Variants in ARSG observed in about 807,000 individuals in gnomAD.
ARSG encodes the protein arylsulfatase G, also known as ASG.
ARSG carries 37 observed loss-of-function variants against 50.5 expected under a neutral mutation model. That is an observed-to-expected ratio of 0.73 (90% CI 0.56 to 0.96). The LOEUF (loss-of-function observed/expected upper bound fraction) is 0.96, where lower values mean the gene tolerates loss of function less well. Among genes scored for constraint, ARSG ranks in the 50% least tolerant of loss-of-function variants. ARSG has a pLI of 0.00. For synonymous variants in ARSG, 225 were observed against 254.6 expected, an observed-to-expected ratio of 0.88 and a Z score of 1.11; for missense variants, 629 against 675.3, an observed-to-expected ratio of 0.93 and a Z score of 0.76.
At chr17:68,369,395 CTG>C (rs1256649124) in intron 7 of ARSG, among the ~76,000 whole-genome samples, 1 of 152,178 alleles carries the variant, frequency 6.6e-6, no homozygotes, top group East Asian at 1.9e-4. Flanking sequence ...CAAAAATTAT[CTG>C]GGCATATTGG....
intron 8 of ARSG, among the ~76,000 whole-genome samples, chr17:68,383,568 G>C (rs753688553): frequency 6.6e-6 from 1 of 152,218 alleles, no homozygotes; most frequent in Non-Finnish European, 1.5e-5. Flanking sequence ...TGCCCCCACG[G>C]GGGTGGAAGT....
intron 11 of ARSG, among the ~76,000 whole-genome samples, chr17:68,417,733 A>ATTTTTTTTTTTTTTTTTTTT (rs770292731): frequency 4.9e-5 from 3 of 60,788 alleles, no homozygotes; most frequent in African/African-American, 6.2e-5. Context: ...GAGTTGCTGA[A>ATTTTTTTTTTTTTTTTTTTT]TTTTTTTTTT....
At chr17:68,348,842 G>A (rs138324126) in intron 4 of ARSG, among the ~76,000 whole-genome samples, 43 of 152,220 alleles carry the variant, frequency 2.8e-4, no homozygotes, top group Middle Eastern at 6.8e-3. Flanking sequence ...AAGCACCCAC[G>A]CTCCTCTTGC....
At chr17:68,365,885 G>A (rs1463381146) in intron 6 of ARSG, among the ~76,000 whole-genome samples, 1 of 152,066 alleles carries the variant, frequency 6.6e-6, no homozygotes, top group Non-Finnish European at 1.5e-5. Flanking sequence ...GTAGTAGTTG[G>A]GAAGTGATAA....
chr17:68,420,711 C>T lies in ARSG; in HGVS notation c.*248C>T, dbSNP rs1414704186. ...AGCACACGGGCTTTGGAGTCAGGCA[C>T]AGGTGCCAGCTCCAGCTTTTGAACT... On this transcript the variant is annotated 3_prime_UTR_variant, in exon 12 of 12. Transcript: ENST00000621439. 1.9e-6 allele frequency: 1 copy of T among 513,278 alleles called. No homozygotes were observed. Among genetic ancestry groups the T allele is most frequent in the Non-Finnish European group, 3.4e-6 (1 of 290,994 alleles). The allele number at this position is 513,278 out of a possible 1,614,324, so 31.8% of individuals were successfully genotyped here.
chr17:68,317,838 C>T (rs1008916597), intron 2 of ARSG, among the ~76,000 whole-genome samples: 2 of 152,222 alleles, frequency 1.3e-5, no homozygotes, highest in East Asian at 3.8e-4. Context: ...GCAGCTCATG[C>T]CTGTAATCCC....
intron 6 of ARSG, among the ~76,000 whole-genome samples, chr17:68,357,424 C>G (rs1310504986): frequency 6.6e-6 from 1 of 152,164 alleles, no homozygotes; most frequent in Non-Finnish European, 1.5e-5. Context: ...TGTTCACTTG[C>G]ATCTTCAGTC....
At position 68,365,817 on chromosome 17, in the gene ARSG, T is replaced by A. The variant is rs113058659; in HGVS notation, c.705-2731T>A. Reference sequence around the variant, plus strand: ...CAGTAGCAAGCCATTGTGTGTTATTTCCACCACACAGATACAATAGATGTA... The same window carrying A: ...CAGTAGCAAGCCATTGTGTGTTATTACCACCACACAGATACAATAGATGTA... On this transcript the variant is annotated intron_variant, in intron 6 of 11. Coordinates refer to ENST00000621439, the MANE Select transcript of ARSG (RefSeq NM_001267727.2). Among the ~76,000 whole-genome samples, 747 of 152,310 alleles carry A rather than the reference T, an allele frequency of 4.9e-3. 6 individuals are homozygous for A. Among genetic ancestry groups the A allele is most frequent in the African/African-American group, 0.015 (606 of 41,564 alleles).
intron 11 of ARSG, among the ~76,000 whole-genome samples, chr17:68,412,917 T>C (rs1234974825): frequency 3.3e-5 from 5 of 152,148 alleles, no homozygotes; most frequent in African/African-American, 1.2e-4. Context: ...TCGCACCGGC[T>C]CCTGAGGCTT....
intron 2 of ARSG, among the ~76,000 whole-genome samples, chr17:68,310,907 A>G (rs146103475): frequency 1.1e-3 from 161 of 152,310 alleles, no homozygotes; most frequent in Non-Finnish European, 1.6e-3. Context: ...CACAGCTAAC[A>G]AACTGGAGTT....
rs2145585006 is a variant in ARSG, at chr17:68,307,236, A to T, written c.-258A>T. 1 of 500,488 alleles carries T rather than the reference A, an allele frequency of 2.0e-6. No homozygotes were observed. The highest frequency in any genetic ancestry group is 3.4e-5 in the East Asian group (1 of 29,836). The allele number at this position is 500,488 out of a possible 1,614,324, so 31.0% of individuals were successfully genotyped here. A position where few individuals can be genotyped will look rare whatever the true frequency, so the allele number is the denominator to read the frequency against. ...GGTGAGGAAACACTGACCATAGAAG[A>T]TCAAGCCAAATGAGGGATTGCAAAT... is the stretch of plus-strand genomic sequence containing the variant. On this transcript the variant is annotated 5_prime_UTR_variant, in exon 2 of 12. Coordinates refer to ENST00000621439, the MANE Select transcript of ARSG (RefSeq NM_001267727.2).
chr17:68,435,206 C>A, the ARSG span, among the ~76,000 whole-genome samples: 51 of 139,146 alleles, frequency 3.7e-4, no homozygotes, highest in South Asian at 6.9e-4. Context: ...GACTCCACCT[C>A]AAAAAAAAAA....
At chr17:68,370,649 G>A (rs2079793402) in intron 8 of ARSG, 125 bp downstream of exon 8, 2 of 818,850 alleles carry the variant, frequency 2.4e-6, no homozygotes, top group Non-Finnish European at 3.9e-6. Flanking sequence ...TGTGAAACAG[G>A]GACACATTTG....
chr17:68,434,976 T>C, the ARSG span, among the ~76,000 whole-genome samples: 1 of 151,814 alleles, frequency 6.6e-6, no homozygotes, highest in Admixed American at 6.6e-5. Flanking sequence ...CCAAGGCGGG[T>C]GGATTGCCTG....
intron 2 of ARSG, among the ~76,000 whole-genome samples, chr17:68,338,197 T>C (rs1164816175): frequency 6.6e-6 from 1 of 152,114 alleles, no homozygotes; most frequent in African/African-American, 2.4e-5. Flanking sequence ...TGTGTGTGTG[T>C]GTGCATGCAT....
chr17:68,299,711 G>A (rs576924546), intron 1 of ARSG, among the ~76,000 whole-genome samples: 1 of 152,280 alleles, frequency 6.6e-6, no homozygotes, highest in African/African-American at 2.4e-5. Context: ...CAAGTGCAGT[G>A]TGTTGTGAAC....
Position 68,399,252 on chromosome 17 carries a change from C to T in ARSG, c.1213-2108C>T, listed in dbSNP as rs981420570. On this transcript the variant is annotated intron_variant, in intron 10 of 11. Coordinates refer to ENST00000621439, the MANE Select transcript of ARSG (RefSeq NM_001267727.2). This position sits in a 1 kb window ranked among gnomAD's most constrained non-coding sequence, Gnocchi z 4.6. ...CCTAGTGGCGAGAGATGTCATCTGGCGTGGCTGGCAAACTGACCACCCCCA... is the reference window on the plus strand; with the variant it reads ...CCTAGTGGCGAGAGATGTCATCTGGTGTGGCTGGCAAACTGACCACCCCCA... 1.9e-3 allele frequency among the ~76,000 whole-genome samples: 285 copies of T among 152,270 alleles called. 5 individuals are homozygous for T. Among genetic ancestry groups the T allele is most frequent in the African/African-American group, 6.7e-3 (278 of 41,560 alleles).
In ARSG at chr17:68,294,413, C is replaced by T. The variant is rs74338159; in HGVS notation, c.-552+2845C>T. ...TGTTGGGTTGCTAGGCAGATATGAC[C>T]CTGGCTTGCAAATAAGCTCACTGCA... On this transcript the variant is annotated intron_variant, in intron 1 of 11. Coordinates refer to ENST00000621439, the MANE Select transcript of ARSG (RefSeq NM_001267727.2). Among the ~76,000 whole-genome samples, 721 of 152,236 alleles carry T rather than the reference C, an allele frequency of 4.7e-3. 44 individuals carry two copies. In the East Asian group the frequency reaches 0.13, roughly 27 times the overall value.
At chr17:68,429,918 G>T in the ARSG span, 9,224 of 1,595,986 alleles carry the variant, frequency 5.8e-3, 56 homozygotes, top group South Asian at 0.021. Context: ...TTCTTTTCAG[G>T]TTTGGGGATT....
Sources: allele counts gnomAD v4.1 joint callset (sites outside exome capture counted in the v4.1 genomes callset), GRCh38; gene constraint gnomAD v4.1.1; non-coding constraint Gnocchi (gnomAD v3.1); transcripts MANE v1.5; gene names NCBI Gene and HGNC (gene_info 2026-07-23, HGNC 2026-07-21).